RBFOX1: variants seen among roughly 807,000 people sequenced by gnomAD.
The protein encoded by RBFOX1 is RNA binding protein fox-1 homolog 1.
RBFOX1 carries 8 observed loss-of-function variants against 57.7 expected under a neutral mutation model. The observed-to-expected ratio is 0.14, with a 90% CI of 0.08 to 0.25. The LOEUF (loss-of-function observed/expected upper bound fraction) is 0.25. Ranked by LOEUF, RBFOX1 falls within the 10% of genes least tolerant of loss-of-function variation. RBFOX1 has a pLI of 1.00. For synonymous variants in RBFOX1, 326 were observed against 222.4 expected, an observed-to-expected ratio of 1.47 and a Z score of -4.15; for missense variants, 611 against 548.5, an observed-to-expected ratio of 1.11 and a Z score of -1.14.
intron 3 of RBFOX1, among the ~76,000 whole-genome samples, chr16:5,633,092 C>A (rs765419392): frequency 6.6e-6 from 1 of 152,038 alleles, no homozygotes; most frequent in African/African-American, 2.4e-5. Flanking sequence ...GCACCAGTCA[C>A]CATGCCCGGC....
chr16:7,266,053 C>A (rs2095127386), intron 4 of RBFOX1, among the ~76,000 whole-genome samples: 1 of 144,018 alleles, frequency 6.9e-6, no homozygotes, highest in Admixed American at 7.1e-5. Flanking sequence ...TGGCTCACTG[C>A]AAGCTCCGCC....
intron 4 of RBFOX1, among the ~76,000 whole-genome samples, chr16:5,944,964 TAAAAAAA>T (rs386384118): frequency 6.2e-5 from 3 of 48,058 alleles, no homozygotes; most frequent in Admixed American, 3.4e-4. Context: ...GACTCTGTCA[TAAAAAAA>T]AAAAAAAAAA....
intron 4 of RBFOX1, among the ~76,000 whole-genome samples, chr16:5,887,327 C>A (rs1436994480): frequency 6.6e-6 from 1 of 152,194 alleles, no homozygotes; most frequent in Non-Finnish European, 1.5e-5. Context: ...TGCAACTTTT[C>A]TCCAGATGCC....
chr16:7,438,303 G>T (rs916497743), intron 4 of RBFOX1, among the ~76,000 whole-genome samples: 1 of 152,150 alleles, frequency 6.6e-6, no homozygotes, highest in Non-Finnish European at 1.5e-5. Flanking sequence ...AGATTGTAAA[G>T]TGGATGTGAG....
At position 6,510,515 on chromosome 16, in the gene RBFOX1, T is replaced by C. The variant is rs560556063; in HGVS notation, c.-63-144088T>C. Among the ~76,000 whole-genome samples the C allele has an allele frequency of 2.7e-4, 41 of 152,288 alleles. 1 individual carries two copies. The highest frequency in any genetic ancestry group is 9.1e-4 in the African/African-American group (38 of 41,568). On this transcript the variant is annotated intron_variant, in intron 2 of 15. Transcript: ENST00000550418. ...GACAGCAGGCACAGATGACAACACA[T>C]TATTATCATTCATTTGTTCACTGAC... is the stretch of plus-strand genomic sequence containing the variant.
chr16:7,397,617 A>C (rs1367258450), intron 4 of RBFOX1, among the ~76,000 whole-genome samples: 1 of 152,238 alleles, frequency 6.6e-6, no homozygotes, highest in Non-Finnish European at 1.5e-5. Flanking sequence ...TTTTCAATGT[A>C]ACATCACAAG....
chr16:5,375,970 C>T lies in RBFOX1; in HGVS notation c.220-91246C>T, dbSNP rs370346697. Among the ~76,000 whole-genome samples, 89 of 152,104 alleles carry T rather than the reference C, an allele frequency of 5.9e-4. 3 individuals are homozygous for T. In the South Asian group the frequency reaches 0.018, roughly 31 times the overall value. On this transcript the variant is annotated intron_variant, in intron 1 of 2. Coordinates refer to the RBFOX1 transcript ENST00000585867. ...TCATTTGAGGTCGGGAGTCTGAGAC[C>T]AGCCTGGCCAACGTGGCAAAACCCC... is the stretch of plus-strand genomic sequence containing the variant.
At chr16:7,627,399 G>A (rs1322655729) in intron 10 of RBFOX1, among the ~76,000 whole-genome samples, 1 of 152,102 alleles carries the variant, frequency 6.6e-6, no homozygotes, top group Non-Finnish European at 1.5e-5. Flanking sequence ...GTAGGTAGTG[G>A]TATAAATTGA....
intron 3 of RBFOX1, among the ~76,000 whole-genome samples, chr16:6,870,099 GATA>G (rs1194665851): frequency 3.3e-5 from 5 of 152,258 alleles, no homozygotes; most frequent in African/African-American, 1.2e-4. Context: ...TTTGGATGAT[GATA>G]ATAATGATGA....
chr16:7,339,810 A>T (rs1487000787), intron 4 of RBFOX1, among the ~76,000 whole-genome samples: 2 of 151,988 alleles, frequency 1.3e-5, no homozygotes, highest in African/African-American at 4.8e-5. Flanking sequence ...TTAAAGGGGG[A>T]AAAAAAGCAT....
At chr16:5,911,550 C>G (rs1311815562) in intron 4 of RBFOX1, among the ~76,000 whole-genome samples, 1 of 152,138 alleles carries the variant, frequency 6.6e-6, no homozygotes, top group South Asian at 2.1e-4. Flanking sequence ...ACGCCTTGTT[C>G]GTGCACCATG....
At chr16:5,455,015 C>G (rs2068583265) in intron 1 of RBFOX1, among the ~76,000 whole-genome samples, 1 of 114,286 alleles carries the variant, frequency 8.7e-6, no homozygotes, top group Non-Finnish European at 1.9e-5. Flanking sequence ...TTCTTTCTTT[C>G]TTTCTTTCTC....
chr16:7,242,827 G>A (rs769030765), intron 4 of RBFOX1, among the ~76,000 whole-genome samples: 1 of 152,202 alleles, frequency 6.6e-6, no homozygotes, highest in Non-Finnish European at 1.5e-5. Context: ...AGACCCGACT[G>A]ACTTTGCCAG....
At chr16:6,568,666 A>T (rs1253086354) in intron 2 of RBFOX1, among the ~76,000 whole-genome samples, 1 of 152,168 alleles carries the variant, frequency 6.6e-6, no homozygotes, top group Non-Finnish European at 1.5e-5. Flanking sequence ...AGAGCCCTGG[A>T]TAGAACATGT....
At chr16:6,074,941 A>T (rs911463479) in intron 1 of RBFOX1, among the ~76,000 whole-genome samples, 48 of 152,062 alleles carry the variant, frequency 3.2e-4, no homozygotes, top group Admixed American at 1.1e-3. Flanking sequence ...TCTCTAAAAA[A>T]GATAATTAAA....
chr16:6,787,685 C>G (rs1251586107), intron 3 of RBFOX1, among the ~76,000 whole-genome samples: 6 of 152,134 alleles, frequency 3.9e-5, no homozygotes, highest in South Asian at 2.1e-4. Flanking sequence ...CTGAGTGATT[C>G]ATGATCGTAG....
intron 4 of RBFOX1, among the ~76,000 whole-genome samples, chr16:7,238,122 G>A (rs1022766826): frequency 1.3e-5 from 2 of 152,160 alleles, no homozygotes; most frequent in African/African-American, 4.8e-5. Context: ...CTTATATGAG[G>A]TGCCCATAGT....
chr16:5,673,615 GA>G (rs1252095259), intron 3 of RBFOX1, among the ~76,000 whole-genome samples: 2 of 152,228 alleles, frequency 1.3e-5, no homozygotes, highest in Non-Finnish European at 1.5e-5. Context: ...TCCATTCAGT[GA>G]AGTTCATGTC....
intron 4 of RBFOX1, among the ~76,000 whole-genome samples, chr16:7,107,475 A>G (rs1390642227): frequency 1.3e-5 from 2 of 152,120 alleles, no homozygotes; most frequent in Non-Finnish European, 2.9e-5. Flanking sequence ...TCTTAAACAC[A>G]GCTTTATTGA....
Sources: gnomAD v4.1 joint callset for allele counts (sites outside exome capture counted in the v4.1 genomes callset) on GRCh38, gnomAD v4.1.1 for gene constraint, MANE v1.5 for transcripts, NCBI Gene and HGNC (gene_info 2026-07-23, HGNC 2026-07-21) for gene names.